The following MAPK4 variants were observed in gnomAD, a reference collection of about 807,000 sequenced individuals.
MAPK4 encodes the protein Erk3-related.
In MAPK4, 22 loss-of-function variants were observed where a neutral mutation model predicts 47.7. The observed-to-expected ratio is 0.46, with a 90% confidence interval of 0.33 to 0.66. MAPK4 has a LOEUF of 0.66. Among genes scored for constraint, MAPK4 ranks in the 30% least tolerant of loss-of-function variants. MAPK4 has a pLI of 0.02. For missense variants in MAPK4, 736 were observed against 831.7 expected, an observed-to-expected ratio of 0.88 and a Z score of 1.42; for synonymous variants, 390 against 365.7, an observed-to-expected ratio of 1.07 and a Z score of -0.76.
At chr18:50,670,398 C>G (rs1352539335) in intron 2 of MAPK4, among the ~76,000 whole-genome samples, 1 of 152,162 alleles carries the variant, frequency 6.6e-6, no homozygotes. Context: ...CCTCTGTCTT[C>G]TTTCTTCGTT....
At chr18:50,661,205 C>T (rs955361382) in intron 1 of MAPK4, among the ~76,000 whole-genome samples, 1 of 152,100 alleles carries the variant, frequency 6.6e-6, no homozygotes, top group African/African-American at 2.4e-5. Flanking sequence ...GGAGTCAGAC[C>T]AGGCTTGTGG....
At chr18:50,698,094 G>C (rs1424628947) in intron 2 of MAPK4, among the ~76,000 whole-genome samples, 1 of 152,212 alleles carries the variant, frequency 6.6e-6, no homozygotes, top group Non-Finnish European at 1.5e-5. Flanking sequence ...TCTGGGACCA[G>C]ATTACATTTA....
At chr18:50,560,038 A>T (rs1432926568), upstream of MAPK4, 3 of 147,682 alleles carry the variant, frequency 2.0e-5, no homozygotes, top group African/African-American at 7.4e-5. Flanking sequence ...CTCTGGGCGG[A>T]GCCGAGGCGG....
chr18:50,619,519 G>A (rs547246695), intron 1 of MAPK4, among the ~76,000 whole-genome samples: 2 of 151,866 alleles, frequency 1.3e-5, no homozygotes, highest in African/African-American at 2.4e-5. Flanking sequence ...AATAGAGACA[G>A]GGTCTCACTG....
intron 1 of MAPK4, among the ~76,000 whole-genome samples, chr18:50,631,457 C>T (rs1424585670): frequency 6.6e-6 from 1 of 152,154 alleles, no homozygotes; most frequent in Non-Finnish European, 1.5e-5. Context: ...TCCATTGTTG[C>T]CATCAGAGGC....
intron 1 of MAPK4, among the ~76,000 whole-genome samples, chr18:50,562,128 T>G (rs913153212): frequency 1.3e-5 from 2 of 152,186 alleles, no homozygotes; most frequent in Non-Finnish European, 2.9e-5. Flanking sequence ...AGGGATTAAT[T>G]GTAATTTTTC....
At chr18:50,568,144 C>G (rs1433228202) in intron 1 of MAPK4, among the ~76,000 whole-genome samples, 1 of 149,212 alleles carries the variant, frequency 6.7e-6, no homozygotes, top group East Asian at 2.0e-4. Flanking sequence ...TGCAGTGAGC[C>G]GAGATCGGGC....
chr18:50,728,096 G>A (rs1965406118), intron 5 of MAPK4, among the ~76,000 whole-genome samples: 1 of 152,210 alleles, frequency 6.6e-6, no homozygotes, highest in African/African-American at 2.4e-5. Context: ...GGCTACAGCT[G>A]CCAGGTCTAT....
intron 2 of MAPK4, among the ~76,000 whole-genome samples, chr18:50,714,699 T>G (rs1279919794): frequency 1.3e-5 from 2 of 152,214 alleles, no homozygotes; most frequent in Non-Finnish European, 2.9e-5. Flanking sequence ...AGTCTCATGG[T>G]TACTCTGTTG....
At chr18:50,594,103 G>A (rs962066140) in intron 1 of MAPK4, among the ~76,000 whole-genome samples, 1 of 152,206 alleles carries the variant, frequency 6.6e-6, no homozygotes, top group Non-Finnish European at 1.5e-5. Context: ...CAAGGCAGGA[G>A]GAATGGAAGG....
At chr18:50,631,618 C>T (rs2042831131) in intron 1 of MAPK4, among the ~76,000 whole-genome samples, 1 of 152,196 alleles carries the variant, frequency 6.6e-6, no homozygotes, top group African/African-American at 2.4e-5. Context: ...GTCCTGCAAA[C>T]TCATTTTGTA....
At position 50,664,442 on chromosome 18, in the gene MAPK4, C is replaced by T; in HGVS notation, c.484C>T (p.Leu162Phe). 1 of 1,613,356 alleles carries T rather than the reference C, an allele frequency of 6.2e-7. No individual in the cohort carries two copies. The highest frequency in any genetic ancestry group is 8.5e-7 in the Non-Finnish European group (1 of 1,179,500). The change falls in exon 2 of 6, where the codon CTC becomes TTC. Residue 162 changes from leucine to phenylalanine, a missense_variant. Transcript: ENST00000400384. This position sits in a 1 kb window ranked among gnomAD's most constrained non-coding sequence, Gnocchi z 6.0. ...PANIFISTED[L>F]VLKIGDFGLA... ...CAACATCTTCATCAGCACAGAGGAC[C>T]TCGTGCTCAAGATTGGGGATTTCGG...
At chr18:50,696,097 TAA>T (rs111403643) in intron 2 of MAPK4, among the ~76,000 whole-genome samples, 215 of 127,688 alleles carry the variant, frequency 1.7e-3, no homozygotes, top group African/African-American at 5.3e-3. Context: ...CTCCCCTGAT[TAA>T]AAAAAAAAAA....
intron 1 of MAPK4, among the ~76,000 whole-genome samples, chr18:50,582,426 C>G (rs1366201929): frequency 2.0e-5 from 3 of 152,210 alleles, no homozygotes; most frequent in Non-Finnish European, 2.9e-5. Flanking sequence ...AATGGCTCAG[C>G]CTGGGACCAT....
chr18:50,727,134 C>A (rs1382449742), intron 5 of MAPK4, among the ~76,000 whole-genome samples: 1 of 152,204 alleles, frequency 6.6e-6, no homozygotes, highest in Admixed American at 6.5e-5. Flanking sequence ...TGCCTAGGCA[C>A]GTAATGATCT....
chr18:50,647,086 C>G (rs1379769240), intron 1 of MAPK4, among the ~76,000 whole-genome samples: 2 of 152,202 alleles, frequency 1.3e-5, no homozygotes, highest in African/African-American at 4.8e-5. Context: ...TTGCCTGGTA[C>G]ATAGTGATGC....
chr18:50,650,788 C>T (rs771286148), intron 1 of MAPK4, among the ~76,000 whole-genome samples: 4 of 152,152 alleles, frequency 2.6e-5, no homozygotes, highest in Non-Finnish European at 5.9e-5. Flanking sequence ...GCCACATGGT[C>T]GATATGTGAC....
At chr18:50,716,299 A>G (rs1365092022) in intron 3 of MAPK4, among the ~76,000 whole-genome samples, 2 of 152,136 alleles carry the variant, frequency 1.3e-5, no homozygotes, top group African/African-American at 4.8e-5. Flanking sequence ...AGCAGTAGTC[A>G]GCGACGACTG....
chr18:50,727,842 G>C (rs1247682155), intron 5 of MAPK4, among the ~76,000 whole-genome samples: 2 of 152,210 alleles, frequency 1.3e-5, no homozygotes, highest in African/African-American at 4.8e-5. Flanking sequence ...CAACTGTAAA[G>C]CGGGGGTGAT....
Sources: allele counts gnomAD v4.1 joint callset (sites outside exome capture counted in the v4.1 genomes callset), GRCh38; gene constraint gnomAD v4.1.1; non-coding constraint Gnocchi (gnomAD v3.1); transcripts MANE v1.5; gene names NCBI Gene and HGNC (gene_info 2026-07-23, HGNC 2026-07-21).